The following AK5 variants were observed in gnomAD, a reference collection of about 807,000 sequenced individuals.
The protein encoded by AK5 is adenylate kinase 5, also known as adenylate kinase isoenzyme 5.
AK5 carries 27 observed loss-of-function variants against 69.5 expected under a neutral mutation model. The ratio of observed to expected loss-of-function variants is 0.39; its 90% CI spans 0.29 to 0.54. The LOEUF (loss-of-function observed/expected upper bound fraction) is 0.54, where lower values mean the gene tolerates loss of function less well. AK5 is among the 20% of genes least tolerant of loss of function. The pLI, the probability that AK5 is intolerant of heterozygous loss-of-function variation, is 0.71. For missense variants in AK5, 531 were observed against 700.4 expected, an observed-to-expected ratio of 0.76 and a Z score of 2.73; for synonymous variants, 260 against 244.4, an observed-to-expected ratio of 1.06 and a Z score of -0.60.
At chr1:77,394,686 T>C (rs2100534933) in intron 6 of AK5, among the ~76,000 whole-genome samples, 1 of 152,302 alleles carries the variant, frequency 6.6e-6, no homozygotes, top group Admixed American at 6.5e-5. Flanking sequence ...GTAATGTCAC[T>C]TTCTCACTCA....
At chr1:77,365,216 G>C (rs1399166531) in intron 6 of AK5, among the ~76,000 whole-genome samples, 1 of 152,038 alleles carries the variant, frequency 6.6e-6, no homozygotes, top group Non-Finnish European at 1.5e-5. Context: ...TGGATTGTTT[G>C]TGTTTCCGCT....
At chr1:77,376,952 C>G (rs909116617) in intron 6 of AK5, among the ~76,000 whole-genome samples, 4 of 152,082 alleles carry the variant, frequency 2.6e-5, no homozygotes, top group Admixed American at 2.0e-4. Flanking sequence ...AGAAGTCTCA[C>G]TTTAATCATT....
intron 8 of AK5, among the ~76,000 whole-genome samples, chr1:77,451,296 G>A (rs1653136882): frequency 6.6e-6 from 1 of 152,136 alleles, no homozygotes; most frequent in East Asian, 1.9e-4. Context: ...TTCCTTGATT[G>A]ATAGACATTT....
chr1:77,359,713 G>A (rs2100434083), intron 6 of AK5, among the ~76,000 whole-genome samples: 1 of 152,274 alleles, frequency 6.6e-6, no homozygotes, highest in Non-Finnish European at 1.5e-5. Flanking sequence ...GAAAGTGCAT[G>A]CATAACTTAT....
chr1:77,367,938 T>G, intron 6 of AK5, among the ~76,000 whole-genome samples: 1 of 45,744 alleles, frequency 2.2e-5, no homozygotes, highest in Non-Finnish European at 4.7e-5. Context: ...TTATATATAA[T>G]ATATATGTTA....
At chr1:77,472,234 A>G (rs774811340) in intron 8 of AK5, among the ~76,000 whole-genome samples, 1 of 152,190 alleles carries the variant, frequency 6.6e-6, no homozygotes, top group Non-Finnish European at 1.5e-5. Flanking sequence ...CAGGGACACA[A>G]GGTCACATGG....
intron 8 of AK5, among the ~76,000 whole-genome samples, chr1:77,465,864 G>T (rs977173545): frequency 6.6e-6 from 1 of 152,080 alleles, no homozygotes; most frequent in Non-Finnish European, 1.5e-5. Flanking sequence ...AAATTCTTGC[G>T]ATCATCTCAT....
At chr1:77,479,615 A>C (rs539970065) in intron 8 of AK5, among the ~76,000 whole-genome samples, 1 of 152,324 alleles carries the variant, frequency 6.6e-6, no homozygotes, top group African/African-American at 2.4e-5. Flanking sequence ...TGAGTCTTAA[A>C]GGTCACTTAA....
intron 6 of AK5, among the ~76,000 whole-genome samples, chr1:77,397,681 A>G (rs1468876942): frequency 6.6e-6 from 1 of 152,290 alleles, no homozygotes; most frequent in South Asian, 2.1e-4. Context: ...AATCACTTGA[A>G]CCCAAGAGTT....
intron 12 of AK5, among the ~76,000 whole-genome samples, chr1:77,530,258 G>A (rs560534589): frequency 6.6e-6 from 1 of 152,326 alleles, no homozygotes; most frequent in South Asian, 2.1e-4. Flanking sequence ...AGAACTTAGA[G>A]CTGCGTAATG....
At chr1:77,420,143 G>T (rs543046760) in intron 8 of AK5, among the ~76,000 whole-genome samples, 5 of 151,774 alleles carry the variant, frequency 3.3e-5, no homozygotes, top group African/African-American at 1.2e-4. Flanking sequence ...TATGAGAAAA[G>T]AAAGTAGAAA....
chr1:77,343,644 C>T (rs189447981), intron 6 of AK5, among the ~76,000 whole-genome samples: 72 of 152,270 alleles, frequency 4.7e-4, no homozygotes, highest in African/African-American at 1.6e-3. Flanking sequence ...CTCTGCAACT[C>T]GTATGCCTTA....
At chr1:77,494,915 G>A (rs1249229890) in intron 10 of AK5, among the ~76,000 whole-genome samples, 1 of 151,856 alleles carries the variant, frequency 6.6e-6, no homozygotes, top group Non-Finnish European at 1.5e-5. Flanking sequence ...CCGGGTAGCT[G>A]GGACTACAGG....
intron 6 of AK5, among the ~76,000 whole-genome samples, chr1:77,376,636 T>A (rs1647273938): frequency 6.6e-6 from 1 of 151,914 alleles, no homozygotes; most frequent in African/African-American, 2.4e-5. Context: ...GGGATATGGA[T>A]GAAATAAGAA....
At chr1:77,310,219 A>G (rs1222922682) in intron 5 of AK5, among the ~76,000 whole-genome samples, 1 of 152,224 alleles carries the variant, frequency 6.6e-6, no homozygotes, top group East Asian at 1.9e-4. Flanking sequence ...CTTCATTGAA[A>G]TGACTTATTC....
intron 8 of AK5, among the ~76,000 whole-genome samples, chr1:77,477,487 A>G (rs1054816180): frequency 2.0e-5 from 3 of 152,214 alleles, no homozygotes; most frequent in African/African-American, 7.2e-5. Flanking sequence ...AGACCAATTT[A>G]AATAGAAATC....
At chr1:77,304,729 A>T (rs1457992250) in intron 5 of AK5, among the ~76,000 whole-genome samples, 1 of 152,152 alleles carries the variant, frequency 6.6e-6, no homozygotes, top group African/African-American at 2.4e-5. Flanking sequence ...TGCTTTATCC[A>T]TTCATCTGTG....
rs1662576624 is a variant in AK5, at chr1:77,357,177, T to C, written c.891+16609T>C. On this transcript the variant is annotated intron_variant, in intron 6 of 13. Coordinates refer to ENST00000354567, the MANE Select transcript of AK5 (RefSeq NM_174858.3). ...ATTTTTATTATATTCAAATAAACCT[T>C]ATGCTGGTGAAATGTTGCAAGGAAC... Among the ~76,000 whole-genome samples, 4 of 152,190 alleles carry C rather than the reference T, an allele frequency of 2.6e-5. No homozygotes were observed. In the South Asian group the frequency reaches 8.3e-4, roughly 32 times the overall value.
chr1:77,295,448 G>T (rs1658941350), intron 3 of AK5, among the ~76,000 whole-genome samples: 1 of 152,212 alleles, frequency 6.6e-6, no homozygotes, highest in Admixed American at 6.5e-5. Context: ...TTTAAAGTCA[G>T]TTTTTGAAGA....
Sources: allele counts gnomAD v4.1 joint callset (sites outside exome capture counted in the v4.1 genomes callset), GRCh38; gene constraint gnomAD v4.1.1; transcripts MANE v1.5; gene names NCBI Gene and HGNC (gene_info 2026-07-23, HGNC 2026-07-21).